Variants in CFHR5 observed in about 807,000 individuals in gnomAD.
The protein encoded by CFHR5 is complement factor H related 5.
CFHR5 carries 73 observed loss-of-function variants against 62.9 expected under a neutral mutation model. The ratio of observed to expected loss-of-function variants is 1.16; its 90% CI spans 0.96 to 1.41. The LOEUF is 1.41. Ranked by LOEUF, CFHR5 falls within the 40% of genes most tolerant of loss-of-function variation. The pLI is 0.00. For synonymous variants in CFHR5, 249 were observed against 227.2 expected (o/e 1.10, Z -0.86); for missense variants, 779 against 679.9 (o/e 1.15, Z -1.62).
chr1:196,985,676 A>G (rs115468430), intron 3 of CFHR5, among the ~76,000 whole-genome samples: 2,050 of 152,278 alleles, frequency 0.013, 37 homozygotes, highest in African/African-American at 0.045. Context: ...ACCAACAATT[A>G]TATTTTAGAA....
chr1:196,989,485 C>G (rs1213832589), intron 3 of CFHR5, among the ~76,000 whole-genome samples: 1 of 152,050 alleles, frequency 6.6e-6, no homozygotes, highest in Non-Finnish European at 1.5e-5. Flanking sequence ...TAGATCTTTC[C>G]TTCTTTCTCT....
intron 8 of CFHR5, among the ~76,000 whole-genome samples, chr1:197,003,990 C>G (rs1400770846): frequency 6.6e-6 from 1 of 151,432 alleles, no homozygotes; most frequent in Non-Finnish European, 1.5e-5. Context: ...AGGACAGTAA[C>G]TCAATGAAAC....
chr1:196,975,784 G>A (rs915725844), upstream of CFHR5, among the ~76,000 whole-genome samples: 4 of 152,152 alleles, frequency 2.6e-5, no homozygotes, highest in East Asian at 1.9e-4. Context: ...TGTTTTTCTT[G>A]TAGACACACT....
At chr1:196,999,158 CATT>C (rs1654067401) in intron 7 of CFHR5, among the ~76,000 whole-genome samples, 9 of 151,824 alleles carry the variant, frequency 5.9e-5, no homozygotes, top group Admixed American at 5.9e-4. Flanking sequence ...AGTGTGATGT[CATT>C]AGAAATTGTG....
chr1:197,004,906 T>C, intron 9 of CFHR5, 63 bp downstream of exon 9: 1 of 1,275,170 alleles, frequency 7.8e-7, no homozygotes, highest in Non-Finnish European at 1.1e-6. Context: ...TTTTTTGGAC[T>C]AATTTCATAG....
At chr1:197,002,374 A>T (rs147231103) in intron 7 of CFHR5, 108 bp from the exon 8 acceptor site, 1 of 734,066 alleles carries the variant, frequency 1.4e-6, no homozygotes, top group Admixed American at 2.3e-5. Flanking sequence ...ATAGAGAGAC[A>T]TAGTGTGTGT....
chr1:196,995,517 A>G (rs1653964744), intron 4 of CFHR5, among the ~76,000 whole-genome samples, 200 bp from the exon 5 acceptor site: 1 of 152,140 alleles, frequency 6.6e-6, no homozygotes, highest in South Asian at 2.1e-4. Flanking sequence ...CATTTGCTCA[A>G]AATTGTTCAT....
intron 6 of CFHR5, among the ~76,000 whole-genome samples, chr1:196,997,387 A>G (rs1654021443): frequency 6.6e-6 from 1 of 152,202 alleles, no homozygotes; most frequent in Non-Finnish European, 1.5e-5. Context: ...TGAATTAAAA[A>G]TAGAAACTAT....
chr1:196,988,970 G>T lies in CFHR5; in HGVS notation c.430+4833G>T, dbSNP rs1653769095. 2.0e-5 allele frequency among the ~76,000 whole-genome samples: 3 copies of T among 152,090 alleles called. No homozygotes were observed. The South Asian group carries it at 6.2e-4, about 32-fold the overall frequency. On this transcript the variant is annotated intron_variant, in intron 3 of 9. Coordinates refer to ENST00000256785, the MANE Select transcript of CFHR5 (RefSeq NM_030787.4). ...TGACCAGCTCCTCTTTGAACCTCTGGTAGAATTCTGCTGTGAATCTGTCTG... is the reference window on the plus strand; with the variant it reads ...TGACCAGCTCCTCTTTGAACCTCTGTTAGAATTCTGCTGTGAATCTGTCTG...
At chr1:197,001,397 G>C (rs938875196) in intron 7 of CFHR5, among the ~76,000 whole-genome samples, 1 of 151,850 alleles carries the variant, frequency 6.6e-6, no homozygotes, top group Non-Finnish European at 1.5e-5. Flanking sequence ...ATTTATTAAA[G>C]ATCTGTTGTA....
At chr1:196,997,090 T>A (rs947105930) in intron 6 of CFHR5, among the ~76,000 whole-genome samples, 1 of 152,070 alleles carries the variant, frequency 6.6e-6, no homozygotes, top group African/African-American at 2.4e-5. Flanking sequence ...CCGCCGCTGT[T>A]CTCCTCCTTA....
chr1:196,984,122 A>G lies in CFHR5; in HGVS notation c.415A>G (p.Ile139Val), dbSNP rs749821596. The G allele has an allele frequency of 6.2e-7, 1 of 1,613,382 alleles. No individual in the cohort carries two copies. The highest frequency in any genetic ancestry group is 8.5e-7 in the Non-Finnish European group (1 of 1,179,630). Residue 139 changes from isoleucine to valine, a missense_variant, in exon 3 of 10, where the codon ATA becomes GTA. Ile to Val is a conservative substitution (Grantham distance 29). Transcript: ENST00000256785. ...AGAACGGGGCTGGTCCACTCCTCCC[A>G]TATGCAGCTTCACTAGTAAGCAAAA... ...CVERGWSTPP[I>V]CSFTKGECHV...
intron 7 of CFHR5, 105 bp from the exon 8 acceptor site, chr1:197,002,377 G>A (rs1654174967): frequency 7.1e-6 from 5 of 702,486 alleles, no homozygotes. Flanking sequence ...GAGAGACATA[G>A]TGTGTGTGTG....
intron 4 of CFHR5, 103 bp from the exon 5 acceptor site, chr1:196,995,614 G>T: frequency 9.6e-6 from 9 of 935,366 alleles, no homozygotes; most frequent in Middle Eastern, 3.2e-4. Context: ...AAATAGAAGT[G>T]CAATATAAAG....
intron 9 of CFHR5, among the ~76,000 whole-genome samples, chr1:197,007,087 G>A (rs370020897): frequency 4.0e-5 from 6 of 151,482 alleles, no homozygotes; most frequent in South Asian, 4.2e-4. Flanking sequence ...CACCCGCCTC[G>A]GCCTCCCAAA....
intron 1 of CFHR5, 129 bp downstream of exon 1, chr1:196,977,851 T>C: frequency 1.3e-6 from 1 of 746,308 alleles, no homozygotes; most frequent in South Asian, 1.5e-5. Flanking sequence ...TATCACAATA[T>C]TCATCTATTT....
intron 6 of CFHR5, among the ~76,000 whole-genome samples, chr1:196,997,433 C>T (rs1654022710): frequency 6.6e-6 from 1 of 152,134 alleles, no homozygotes; most frequent in South Asian, 2.1e-4. Context: ...AGTAGCAGAG[C>T]ACACTCCATG....
intron 1 of CFHR5, among the ~76,000 whole-genome samples, chr1:196,979,773 T>C (rs140620965): frequency 0.013 from 2,037 of 152,156 alleles, 37 homozygotes; most frequent in African/African-American, 0.044. Flanking sequence ...AGGTGGTTTT[T>C]GGTTACATGG....
At chr1:196,995,102 A>G (rs1653954740) in intron 4 of CFHR5, among the ~76,000 whole-genome samples, 1 of 152,172 alleles carries the variant, frequency 6.6e-6, no homozygotes, top group Non-Finnish European at 1.5e-5. Flanking sequence ...AGTTATAACT[A>G]TACATTGCAT....
Sources: allele counts gnomAD v4.1 joint callset (sites outside exome capture counted in the v4.1 genomes callset), GRCh38; gene constraint gnomAD v4.1.1; transcripts MANE v1.5; gene names NCBI Gene and HGNC (gene_info 2026-07-23, HGNC 2026-07-21).